Variants in GRIA4 observed in about 807,000 individuals in gnomAD.
GRIA4 encodes glutamate receptor 4.
In GRIA4, 34 loss-of-function variants were observed where a neutral mutation model predicts 104.0. The ratio of observed to expected loss-of-function variants is 0.33; its 90% CI spans 0.25 to 0.44. The LOEUF (loss-of-function observed/expected upper bound fraction) is 0.44, where lower values mean the gene tolerates loss of function less well. GRIA4 is among the 20% of genes least tolerant of loss of function. The pLI, the probability that GRIA4 is intolerant of heterozygous loss-of-function variation, is 1.00. For missense variants in GRIA4, 750 were observed against 1,096.5 expected (o/e 0.68, Z 4.46); for synonymous variants, 386 against 381.9 (o/e 1.01, Z -0.13).
At chr11:105,939,852 G>A (rs1193508296) in intron 14 of GRIA4, among the ~76,000 whole-genome samples, 1 of 152,150 alleles carries the variant, frequency 6.6e-6, no homozygotes, top group African/African-American at 2.4e-5. Context: ...CGTTCCTAAA[G>A]GAAAGAGTGC....
chr11:105,778,486 C>T (rs1157242175), intron 4 of GRIA4, among the ~76,000 whole-genome samples: 1 of 152,176 alleles, frequency 6.6e-6, no homozygotes, highest in Non-Finnish European at 1.5e-5. Flanking sequence ...GTGGGAGGAT[C>T]ACGAGGTCAG....
At chr11:105,881,469 T>C (rs1946055882) in intron 5 of GRIA4, among the ~76,000 whole-genome samples, 1 of 152,058 alleles carries the variant, frequency 6.6e-6, no homozygotes, top group South Asian at 2.1e-4. Context: ...TCAGACTGTA[T>C]GGCTTTACAG....
rs943682669 is a variant in GRIA4 at position 105,894,955 on chromosome 11, G to A, written c.727-3314G>A. ...GCTGGGACTACAGGCGCCCGCCACC[G>A]CGCCCGGCTAATTTTTTGTATTTTT... On this transcript the variant is annotated intron_variant, in intron 6 of 16. Transcript: ENST00000282499. Among the ~76,000 whole-genome samples the A allele has an allele frequency of 5.8e-5, 8 of 137,306 alleles. 1 individual carries two copies. Among genetic ancestry groups the A allele is most frequent in the Admixed American group, 3.1e-4 (4 of 12,964 alleles). The allele number at this position is 137,306 out of a possible 152,430, so 90.1% of individuals were successfully genotyped here.
At chr11:105,898,985 T>C (rs1302071943) in intron 7 of GRIA4, among the ~76,000 whole-genome samples, 1 of 152,200 alleles carries the variant, frequency 6.6e-6, no homozygotes, top group Non-Finnish European at 1.5e-5. Flanking sequence ...ATGACTTTCT[T>C]AGACCTCATG....
intron 6 of GRIA4, 21 bp from the exon 7 acceptor site, chr11:105,898,248 C>A (rs376125822): frequency 9.7e-5 from 126 of 1,304,224 alleles, no homozygotes; most frequent in Non-Finnish European, 1.1e-4. Context: ...ATTTAACAAT[C>A]TTTTGTATTA....
Position 105,753,224 on chromosome 11 carries a change from A to C in GRIA4, c.487+4A>C, listed in dbSNP as rs2135695849. ...TTCCTGTATGACACAGACAGGGGTA[A>C]GTCCAGTTTCTTCATCTATTAGAGC... On this transcript the variant is annotated splice_donor_region_variant and intron_variant, in intron 4 of 16. Transcript: ENST00000282499. 2 of 1,613,066 alleles carry C rather than the reference A, an allele frequency of 1.2e-6. No homozygotes were observed. The highest frequency in any genetic ancestry group is 4.5e-5 in the East Asian group (2 of 44,830).
chr11:105,971,105 T>G (rs1015560388), intron 14 of GRIA4, among the ~76,000 whole-genome samples: 2 of 152,186 alleles, frequency 1.3e-5, no homozygotes, highest in Non-Finnish European at 2.9e-5. Context: ...CTTTTTTTGT[T>G]GCTAAGAATT....
intron 4 of GRIA4, among the ~76,000 whole-genome samples, chr11:105,797,261 T>C (rs549551354): frequency 1.3e-5 from 2 of 152,040 alleles, no homozygotes; most frequent in East Asian, 1.9e-4. Flanking sequence ...AAGGAAATAG[T>C]ATAGCATTTG....
intron 3 of GRIA4, among the ~76,000 whole-genome samples, chr11:105,658,749 G>T (rs1591517327): frequency 6.6e-6 from 1 of 151,838 alleles, no homozygotes; most frequent in African/African-American, 2.4e-5. Context: ...TTAGGTCTTT[G>T]TTGAATTTTT....
At chr11:105,874,138 T>C (rs1363406007) in intron 5 of GRIA4, among the ~76,000 whole-genome samples, 2 of 152,230 alleles carry the variant, frequency 1.3e-5, no homozygotes, top group African/African-American at 4.8e-5. Flanking sequence ...TGCATATGGC[T>C]AGCCAGTTTT....
intron 4 of GRIA4, among the ~76,000 whole-genome samples, chr11:105,821,508 C>T (rs60241016): frequency 0.042 from 6,312 of 151,614 alleles, 294 homozygotes; most frequent in African/African-American, 0.12. Context: ...AAGGGAGAGC[C>T]GGTGTCTCAC....
intron 1 of GRIA4, 36 bp from the exon 2 acceptor site, chr11:105,610,872 T>TTCTTTTC (rs1491362218): frequency 3.9e-4 from 1 of 2,564 alleles, no homozygotes; most frequent in Non-Finnish European, 1.1e-3. Context: ...TTTCTTTTCT[T>TTCTTTTC]TTTTTTTTTT....
At position 105,898,228 on chromosome 11, in the gene GRIA4, A is replaced by G. The variant is rs781327184; in HGVS notation, c.727-41A>G. ...TTACTATTGAAGAGCTGCCATGTAT[A>G]ATAAACTAAATTTAACAATCTTTTG... is the stretch of plus-strand genomic sequence containing the variant. On this transcript the variant is annotated intron_variant, in intron 6 of 16. Transcript: ENST00000282499. The G allele has an allele frequency of 2.8e-6, 3 of 1,073,394 alleles. No homozygotes were observed. In the Admixed American group the frequency reaches 5.9e-5, roughly 21 times the overall value. The allele number at this position is 1,073,394 out of a possible 1,614,324, so 66.5% of individuals were successfully genotyped here.
intron 4 of GRIA4, among the ~76,000 whole-genome samples, chr11:105,792,484 A>T (rs1942257308): frequency 6.6e-6 from 1 of 152,128 alleles, no homozygotes. Flanking sequence ...TTTCTTCAAG[A>T]ATAAATTAGG....
chr11:105,663,362 C>T (rs531386969), intron 3 of GRIA4, among the ~76,000 whole-genome samples: 1 of 151,896 alleles, frequency 6.6e-6, no homozygotes, highest in African/African-American at 2.4e-5. Flanking sequence ...ATTTCTTCAA[C>T]AGACATTTAT....
chr11:105,797,561 A>G (rs755371660), intron 4 of GRIA4, among the ~76,000 whole-genome samples: 2 of 152,050 alleles, frequency 1.3e-5, no homozygotes, highest in Admixed American at 6.6e-5. Flanking sequence ...TTATTCCCCA[A>G]TTTCACCTCT....
rs1565454581 is a variant in GRIA4 at position 105,674,318 on chromosome 11, A to C, written c.247+61884A>C. ...ATTAAATAACAATTTTGCTAAGTTGATGATTTGTGTGAGAGAGTTGCAGGG... is the reference window on the plus strand; with the variant it reads ...ATTAAATAACAATTTTGCTAAGTTGCTGATTTGTGTGAGAGAGTTGCAGGG... On this transcript the variant is annotated intron_variant, in intron 3 of 16. Coordinates refer to ENST00000282499, the MANE Select transcript of GRIA4 (RefSeq NM_000829.4). 2.6e-5 allele frequency among the ~76,000 whole-genome samples: 4 copies of C among 151,996 alleles called. No homozygotes were observed. The South Asian group carries it at 8.3e-4, about 32-fold the overall frequency.
chr11:105,921,309 GTGTGTGTGTGTGT>G (rs1947555124), intron 11 of GRIA4, among the ~76,000 whole-genome samples: 4 of 99,612 alleles, frequency 4.0e-5, no homozygotes, highest in African/African-American at 1.2e-4. Flanking sequence ...ACACTTGGGT[GTGTGTGTGTGTGT>G]GTGTGTGTGT....
chr11:105,974,715 G>A, intron 16 of GRIA4: 1 of 645,238 alleles, frequency 1.5e-6, no homozygotes, highest in Non-Finnish European at 2.6e-6. Flanking sequence ...GGCTGCAGAT[G>A]TACTGTTTGA....
Sources: allele counts gnomAD v4.1 joint callset (sites outside exome capture counted in the v4.1 genomes callset), GRCh38; gene constraint gnomAD v4.1.1; transcripts MANE v1.5; gene names NCBI Gene and HGNC (gene_info 2026-07-23, HGNC 2026-07-21).